ESR1: variants seen among roughly 807,000 people sequenced by gnomAD.
ESR1 encodes the protein estrogen receptor.
In ESR1, 12 loss-of-function variants were observed where a neutral mutation model predicts 52.7. That is an observed-to-expected ratio of 0.23 (90% confidence interval 0.15 to 0.37). The LOEUF (loss-of-function observed/expected upper bound fraction) is 0.37, where lower values mean the gene tolerates loss of function less well. Among genes scored for constraint, ESR1 ranks in the 10% least tolerant of loss-of-function variants. The pLI, the probability that ESR1 is intolerant of heterozygous loss-of-function variation, is 1.00. For missense variants in ESR1, 584 were observed against 779.7 expected (o/e 0.75, Z 2.99); for synonymous variants, 305 against 316.8 (o/e 0.96, Z 0.39).
At chr6:152,052,498 G>T (rs1365475951) in intron 5 of ESR1, among the ~76,000 whole-genome samples, 3 of 152,042 alleles carry the variant, frequency 2.0e-5, no homozygotes, top group Non-Finnish European at 4.4e-5. Context: ...ATAATCATTG[G>T]TTACATTTTG....
chr6:152,001,563 G>C (rs1244177546), intron 4 of ESR1, among the ~76,000 whole-genome samples: 1 of 152,012 alleles, frequency 6.6e-6, no homozygotes, highest in East Asian at 1.9e-4. Context: ...CCCAACTGTA[G>C]TACCTAGCTA....
At chr6:151,899,845 CG>C (rs1796393053) in intron 3 of ESR1, among the ~76,000 whole-genome samples, 1 of 150,806 alleles carries the variant, frequency 6.6e-6, no homozygotes, top group Non-Finnish European at 1.5e-5. Context: ...GGATGGCGGC[CG>C]GGAAGAGGCG....
rs532941803 is a variant in ESR1 at position 152,099,338 on chromosome 6, T to C, written c.*372T>C. On this transcript the variant is annotated 3_prime_UTR_variant, in exon 8 of 8. Transcript: ENST00000206249. ...AGGCCTGGAGAGTAGACATTTTGCC[T>C]CTGATAAGCACTTTTTAAATGGCTC... 86 of 382,146 alleles carry C rather than the reference T, an allele frequency of 2.3e-4. No homozygotes were observed. In the South Asian group the frequency reaches 2.9e-3, roughly 13 times the overall value. The allele number at this position is 382,146 out of a possible 1,614,324, so 23.7% of individuals were successfully genotyped here.
chr6:151,747,466 A>G (rs972318815), intron 2 of ESR1, among the ~76,000 whole-genome samples: 10 of 152,194 alleles, frequency 6.6e-5, no homozygotes, highest in African/African-American at 1.9e-4. Context: ...TGTCAACACA[A>G]TCTCATCTGC....
At chr6:151,950,946 A>G (rs1021578384) in intron 4 of ESR1, among the ~76,000 whole-genome samples, 22 of 151,798 alleles carry the variant, frequency 1.4e-4, no homozygotes, top group Non-Finnish European at 5.9e-5. Context: ...TTTAAGGAGG[A>G]AGGTTTGGCT....
At chr6:151,949,822 A>G (rs1211174167) in intron 4 of ESR1, among the ~76,000 whole-genome samples, 1 of 152,224 alleles carries the variant, frequency 6.6e-6, no homozygotes, top group Non-Finnish European at 1.5e-5. Flanking sequence ...GATGCTATTA[A>G]ACCTTTAAAA....
intron 3 of ESR1, among the ~76,000 whole-genome samples, chr6:151,912,779 T>G (rs1798470177): frequency 6.6e-6 from 1 of 152,144 alleles, no homozygotes; most frequent in Admixed American, 6.5e-5. Context: ...GGGACATGGA[T>G]GAAGCCAGAA....
At chr6:151,738,511 C>G (rs961354228) in intron 2 of ESR1, among the ~76,000 whole-genome samples, 2 of 152,166 alleles carry the variant, frequency 1.3e-5, no homozygotes, top group African/African-American at 4.8e-5. Context: ...TTTCTCCACA[C>G]CCTCACCAAT....
chr6:151,914,772 T>C (rs566943424), intron 3 of ESR1, among the ~76,000 whole-genome samples: 1 of 152,294 alleles, frequency 6.6e-6, no homozygotes, highest in African/African-American at 2.4e-5. Flanking sequence ...ATATAAAGCG[T>C]CCTCCATAGT....
intron 4 of ESR1, among the ~76,000 whole-genome samples, chr6:152,010,271 A>G (rs368814427): frequency 3.9e-5 from 6 of 152,122 alleles, no homozygotes; most frequent in African/African-American, 1.2e-4. Context: ...CCAAGAAGAA[A>G]CATCCTGTAA....
At chr6:151,854,944 T>C (rs1252368079) in intron 2 of ESR1, among the ~76,000 whole-genome samples, 1 of 152,234 alleles carries the variant, frequency 6.6e-6, no homozygotes, top group Non-Finnish European at 1.5e-5. Flanking sequence ...GACGCAGTCT[T>C]TCTCTGTTGC....
rs368440527 is a variant in ESR1 at position 152,123,347 on chromosome 6, G to A, written c.851-1919G>A. The stretch of plus-strand genomic sequence containing the variant: ...CTGGTGTTGTATGATGTAGATGCTA[G>A]GCTGATCCTATCACTGACGTCATTA... On this transcript the variant is annotated intron_variant, in intron 6 of 6. Coordinates refer to the ESR1 transcript ENST00000427531. 3.5e-4 allele frequency among the ~76,000 whole-genome samples: 53 copies of A among 152,290 alleles called. 1 individual carries two copies. In the East Asian group the frequency reaches 6.9e-3, roughly 20 times the overall value.
chr6:151,822,494 A>G (rs1780728931), intron 1 of ESR1, among the ~76,000 whole-genome samples: 1 of 152,210 alleles, frequency 6.6e-6, no homozygotes, highest in South Asian at 2.1e-4. Context: ...TTGGAGACAG[A>G]TGATGCTAAA....
intron 1 of ESR1, among the ~76,000 whole-genome samples, chr6:151,830,604 G>A (rs1291710437): frequency 6.6e-6 from 1 of 152,094 alleles, no homozygotes; most frequent in East Asian, 1.9e-4. Flanking sequence ...CACTTGGAAT[G>A]GATTGGTAAG....
At chr6:151,890,553 G>A (rs986466431) in intron 3 of ESR1, among the ~76,000 whole-genome samples, 4 of 152,100 alleles carry the variant, frequency 2.6e-5, no homozygotes, top group East Asian at 1.9e-4. Context: ...TTTTCTGTCC[G>A]AATAATCTGT....
chr6:151,724,748 G>C (rs564905920), intron 2 of ESR1, among the ~76,000 whole-genome samples: 2 of 152,314 alleles, frequency 1.3e-5, no homozygotes, highest in South Asian at 4.1e-4. Flanking sequence ...TGAGGTGGGG[G>C]AAATTCGCCC....
At chr6:151,661,718 G>A (rs1440994598) in intron 1 of ESR1, among the ~76,000 whole-genome samples, 1 of 152,210 alleles carries the variant, frequency 6.6e-6, no homozygotes, top group Non-Finnish European at 1.5e-5. Flanking sequence ...CTGATGGGAA[G>A]TGATTGGATC....
chr6:152,031,597 T>C (rs1360441629), intron 5 of ESR1, among the ~76,000 whole-genome samples: 1 of 152,154 alleles, frequency 6.6e-6, no homozygotes, highest in Non-Finnish European at 1.5e-5. Context: ...AGGAAGAAGC[T>C]GAATCTCTGA....
At chr6:151,774,755 A>G (rs1785811484) in intron 2 of ESR1, among the ~76,000 whole-genome samples, 3 of 152,222 alleles carry the variant, frequency 2.0e-5, no homozygotes, top group African/African-American at 4.8e-5. Flanking sequence ...CTTTATTGGT[A>G]TATCAACAGA....
Sources: allele counts gnomAD v4.1 joint callset (sites outside exome capture counted in the v4.1 genomes callset), GRCh38; gene constraint gnomAD v4.1.1; transcripts MANE v1.5; gene names NCBI Gene and HGNC (gene_info 2026-07-23, HGNC 2026-07-21).